Variants in CNTN4 observed in about 807,000 individuals in gnomAD.
The protein encoded by CNTN4 is contactin-4.
Under a neutral mutation model 122.5 loss-of-function variants are expected in CNTN4, and 77 were observed. The observed-to-expected ratio is 0.63, with a 90% CI of 0.52 to 0.76. CNTN4 has a LOEUF of 0.76. Among genes scored for constraint, CNTN4 ranks in the 30% least tolerant of loss-of-function variants. CNTN4 has a pLI of 0.00. For synonymous variants in CNTN4, 512 were observed against 447.0 expected (o/e 1.15, Z -1.83); for missense variants, 1,256 against 1,259.1 (o/e 1.00, Z 0.04).
At chr3:3,048,831 A>C (rs1259486231) in intron 23 of CNTN4, among the ~76,000 whole-genome samples, 1 of 152,108 alleles carries the variant, frequency 6.6e-6, no homozygotes, top group African/African-American at 2.4e-5. Flanking sequence ...AATTCTTTAG[A>C]TCTCAGCTTA....
At chr3:2,482,116 G>A (rs542831070) in intron 3 of CNTN4, among the ~76,000 whole-genome samples, 4 of 152,266 alleles carry the variant, frequency 2.6e-5, no homozygotes, top group Admixed American at 1.3e-4. Flanking sequence ...AGGAAGATAC[G>A]AGAAAATTTG....
chr3:2,287,781 GAA>G lies in CNTN4; in HGVS notation c.-144-51396_-144-51395del, dbSNP rs1435800275. On this transcript the variant is annotated intron_variant, in intron 2 of 24. Transcript: ENST00000418658. ...AGAAGAAGAAGAAGAAGAAGAAGGA[GAA>G]GAAGAGGAGGAAGGGGAAGGTGAGG... 4.1e-3 allele frequency among the ~76,000 whole-genome samples: 625 copies of G among 150,722 alleles called. 8 individuals are homozygous for G. The highest frequency in any genetic ancestry group is 0.015 in the African/African-American group (600 of 40,996).
intron 4 of CNTN4, among the ~76,000 whole-genome samples, chr3:2,630,783 C>G (rs919885856): frequency 6.6e-6 from 1 of 151,422 alleles, no homozygotes; most frequent in East Asian, 1.9e-4. Context: ...GAGTAGCGTT[C>G]TTATTTAAAA....
At chr3:2,779,696 T>C (rs566221630) in intron 6 of CNTN4, among the ~76,000 whole-genome samples, 2 of 152,334 alleles carry the variant, frequency 1.3e-5, no homozygotes, top group South Asian at 2.1e-4. Context: ...AATGAAGATA[T>C]TAATACATAC....
intron 3 of CNTN4, among the ~76,000 whole-genome samples, chr3:2,516,316 G>A (rs912027067): frequency 2.6e-5 from 4 of 151,944 alleles, no homozygotes; most frequent in African/African-American, 9.7e-5. Flanking sequence ...TTATCGTCGT[G>A]CATCCATCTA....
chr3:2,676,465 G>A (rs1458202024), intron 4 of CNTN4, among the ~76,000 whole-genome samples: 2 of 152,114 alleles, frequency 1.3e-5, no homozygotes, highest in African/African-American at 2.4e-5. Context: ...CAAGTGATCC[G>A]GCTGCCTCGG....
At chr3:2,514,445 C>T (rs2076983201) in intron 3 of CNTN4, among the ~76,000 whole-genome samples, 1 of 151,192 alleles carries the variant, frequency 6.6e-6, no homozygotes, top group Non-Finnish European at 1.5e-5. Flanking sequence ...TGAGGCCAGC[C>T]TGGGTAACTT....
chr3:2,930,979 C>A (rs2094515362), intron 13 of CNTN4, among the ~76,000 whole-genome samples: 1 of 152,104 alleles, frequency 6.6e-6, no homozygotes, highest in South Asian at 2.1e-4. Flanking sequence ...ATTGTGGAGG[C>A]CTTGTATTTT....
At chr3:2,946,113 T>C (rs2094675124) in intron 13 of CNTN4, among the ~76,000 whole-genome samples, 1 of 152,176 alleles carries the variant, frequency 6.6e-6, no homozygotes, top group Admixed American at 6.5e-5. Context: ...GGGTTTCAAC[T>C]ACCAGTTGAA....
chr3:3,030,360 T>G (rs1467534464), intron 15 of CNTN4, among the ~76,000 whole-genome samples: 2 of 152,206 alleles, frequency 1.3e-5, no homozygotes, highest in African/African-American at 4.8e-5. Context: ...AATCTGGTCT[T>G]CCTAATCCTT....
At chr3:2,600,302 A>G (rs2149735485) in intron 4 of CNTN4, among the ~76,000 whole-genome samples, 1 of 152,032 alleles carries the variant, frequency 6.6e-6, no homozygotes, top group East Asian at 1.9e-4. Flanking sequence ...TGCTGCACCC[A>G]TTAACTCGTC....
intron 7 of CNTN4, among the ~76,000 whole-genome samples, chr3:2,822,585 C>T (rs186264759): frequency 2.5e-3 from 385 of 152,280 alleles, no homozygotes; most frequent in Non-Finnish European, 4.0e-3. Flanking sequence ...TGCAGGCTAC[C>T]TTCATTGCAT....
chr3:2,204,048 A>G (rs1265492219), intron 2 of CNTN4, among the ~76,000 whole-genome samples: 1 of 152,166 alleles, frequency 6.6e-6, no homozygotes, highest in Admixed American at 6.5e-5. Context: ...AATGTCATAA[A>G]CAATTGTAAC....
At chr3:2,915,606 A>C (rs773610787) in intron 12 of CNTN4, among the ~76,000 whole-genome samples, 2 of 152,188 alleles carry the variant, frequency 1.3e-5, no homozygotes, top group Non-Finnish European at 2.9e-5. Context: ...AAAGCTTTCA[A>C]TTTTTCACTG....
chr3:2,739,820 GTAAC>G (rs1399008057), intron 5 of CNTN4, among the ~76,000 whole-genome samples: 2 of 152,186 alleles, frequency 1.3e-5, no homozygotes, highest in African/African-American at 4.8e-5. Flanking sequence ...TTGTGAAAAA[GTAAC>G]TAAGTTATGT....
chr3:2,676,592 C>G (rs571491618), intron 4 of CNTN4, among the ~76,000 whole-genome samples: 1 of 152,158 alleles, frequency 6.6e-6, no homozygotes, highest in Non-Finnish European at 1.5e-5. Flanking sequence ...CATGGAGAAA[C>G]CTCATTTGAA....
At chr3:2,983,512 A>C (rs934628117) in intron 13 of CNTN4, among the ~76,000 whole-genome samples, 1 of 152,148 alleles carries the variant, frequency 6.6e-6, no homozygotes, top group African/African-American at 2.4e-5. Flanking sequence ...ACTCTGGTCT[A>C]TTCATGAGTG....
chr3:2,336,027 G>T (rs73807732), intron 2 of CNTN4, among the ~76,000 whole-genome samples: 19 of 152,254 alleles, frequency 1.2e-4, no homozygotes, highest in South Asian at 2.1e-4. Context: ...ACAGTAAAAG[G>T]TATGTGTGTT....
chr3:2,294,190 T>C (rs2042226151), intron 2 of CNTN4, among the ~76,000 whole-genome samples: 1 of 152,104 alleles, frequency 6.6e-6, no homozygotes. Flanking sequence ...TTATTCCTAG[T>C]GTAAATCATA....
Sources: gnomAD v4.1 joint callset for allele counts (sites outside exome capture counted in the v4.1 genomes callset) on GRCh38, gnomAD v4.1.1 for gene constraint, MANE v1.5 for transcripts, NCBI Gene and HGNC (gene_info 2026-07-23, HGNC 2026-07-21) for gene names.